The following DCDC1 variants were observed in gnomAD, a reference collection of about 807,000 sequenced individuals.
DCDC1 encodes doublecortin domain containing 1, also known as doublecortin domain-containing protein 1.
Under a neutral mutation model 178.3 loss-of-function variants are expected in DCDC1, and 200 were observed. The ratio of observed to expected loss-of-function variants is 1.12; its 90% CI spans 1.00 to 1.26. The LOEUF is 1.26. Ranked by LOEUF, DCDC1 falls within the 50% of genes most tolerant of loss-of-function variation. The pLI, the probability that DCDC1 is intolerant of heterozygous loss-of-function variation, is 0.00. For missense variants in DCDC1, 1,983 were observed against 1,749.2 expected (o/e 1.13, Z -2.38); for synonymous variants, 690 against 604.8 (o/e 1.14, Z -2.07).
At chr11:31,315,315 T>C (rs1334532990) in intron 3 of DCDC1, among the ~76,000 whole-genome samples, 211 of 117,648 alleles carry the variant, frequency 1.8e-3, no homozygotes, top group African/African-American at 6.6e-3. Context: ...CCTTTTTTTT[T>C]TTTTTTTTTT....
intron 9 of DCDC1, among the ~76,000 whole-genome samples, chr11:31,166,628 A>C (rs912005006): frequency 7.2e-5 from 11 of 152,104 alleles, no homozygotes; most frequent in Admixed American, 3.9e-4. Flanking sequence ...GTGGGTCATC[A>C]TTTTTTTAAA....
intron 36 of DCDC1, among the ~76,000 whole-genome samples, chr11:30,888,100 A>AGAGAGAGAG: frequency 1.9e-5 from 1 of 51,292 alleles, no homozygotes; most frequent in South Asian, 7.4e-4. Flanking sequence ...AAGAAAGAAA[A>AGAGAGAGAG]AGAAAGAAAG....
At chr11:30,945,790 T>C (rs957078803) in intron 21 of DCDC1, among the ~76,000 whole-genome samples, 23 of 151,764 alleles carry the variant, frequency 1.5e-4, no homozygotes, top group Non-Finnish European at 8.8e-5. Context: ...ATGCACAATC[T>C]ATGAAATTTG....
intron 20 of DCDC1, among the ~76,000 whole-genome samples, chr11:31,015,138 G>A (rs1013610314): frequency 1.6e-4 from 25 of 151,704 alleles, no homozygotes; most frequent in Admixed American, 1.4e-3. Context: ...TAGTAGAGAC[G>A]GGGGTTTCAC....
Position 30,933,674 on chromosome 11 carries a change from T to C in DCDC1, c.2716-1722A>G, listed in dbSNP as rs575408185. On this transcript the variant is annotated intron_variant, in intron 21 of 38. Transcript: ENST00000684477. ...CCTTCTGCTAGCCTCATGAAATGAATTGGAAAGTATTGCTTCTTGTGAGAA... is the reference window on the plus strand; with the variant it reads ...CCTTCTGCTAGCCTCATGAAATGAACTGGAAAGTATTGCTTCTTGTGAGAA... Among the ~76,000 whole-genome samples, 123 of 152,340 alleles carry C rather than the reference T, an allele frequency of 8.1e-4. 1 individual carries two copies. The highest frequency in any genetic ancestry group is 5.6e-3 in the South Asian group (27 of 4,824).
intron 29 of DCDC1, among the ~76,000 whole-genome samples, 179 bp downstream of exon 29, chr11:30,908,767 T>A (rs1049973471): frequency 6.6e-6 from 1 of 152,186 alleles, no homozygotes; most frequent in Non-Finnish European, 1.5e-5. Context: ...ATTCTTTTTC[T>A]CTCACAATTT....
chr11:31,249,917 T>C (rs1054544281), intron 8 of DCDC1, among the ~76,000 whole-genome samples: 1 of 152,094 alleles, frequency 6.6e-6, no homozygotes, highest in Admixed American at 6.6e-5. Context: ...AAACATACAG[T>C]AATCATTAGG....
In DCDC1 at chr11:30,878,753, T is replaced by C. The variant is rs771503767; in HGVS notation, c.5234-42A>G. On this transcript the variant is annotated intron_variant, in intron 37 of 38. Transcript: ENST00000684477. ...AAAAAGAAGTTGAGAGACAAGTCAA[T>C]GTTATAGAAAATAATTAAAAGTCCA... The C allele has an allele frequency of 3.3e-6, 5 of 1,521,772 alleles. No homozygotes were observed. The Admixed American group carries it at 1.1e-4, about 35-fold the overall frequency. 94.3% of individuals were successfully genotyped at this position (1,521,772 alleles called of 1,614,324 possible).
chr11:30,899,674 A>C (rs1944513261), intron 33 of DCDC1, 32 bp from the exon 34 acceptor site: 13 of 1,432,486 alleles, frequency 9.1e-6, no homozygotes, highest in Non-Finnish European at 1.2e-5. Flanking sequence ...ATATTTTATC[A>C]ACAGTAATTT....
At chr11:31,327,963 C>T (rs77128307) in intron 3 of DCDC1, among the ~76,000 whole-genome samples, 154 bp downstream of exon 3, 3,118 of 152,228 alleles carry the variant, frequency 0.02, 95 homozygotes, top group African/African-American at 0.07. Context: ...CTTCTAACCT[C>T]AAGTGATCCA....
intron 9 of DCDC1, among the ~76,000 whole-genome samples, chr11:31,178,283 A>G (rs1968337285): frequency 6.6e-6 from 1 of 152,304 alleles, no homozygotes; most frequent in South Asian, 2.1e-4. Context: ...AAGAATACAC[A>G]TTGTAGAAAA....
chr11:30,865,620 C>G (rs1940912070), intron 38 of DCDC1, among the ~76,000 whole-genome samples: 1 of 152,112 alleles, frequency 6.6e-6, no homozygotes, highest in South Asian at 2.1e-4. Flanking sequence ...GACCGGAAAT[C>G]TGAACTATCT....
intron 9 of DCDC1, among the ~76,000 whole-genome samples, chr11:31,145,038 T>C (rs1166210078): frequency 6.6e-6 from 1 of 152,102 alleles, no homozygotes; most frequent in Admixed American, 6.6e-5. Context: ...GTGTGTGAAG[T>C]AAAAAAATGC....
chr11:30,935,756 G>A (rs1465760347), intron 21 of DCDC1, among the ~76,000 whole-genome samples: 4 of 152,162 alleles, frequency 2.6e-5, no homozygotes, highest in African/African-American at 9.7e-5. Flanking sequence ...GTTTCACCAT[G>A]TTGGTCAGGC....
chr11:30,968,905 A>G lies in DCDC1; in HGVS notation c.2592-16337T>C, dbSNP rs940019622. On this transcript the variant is annotated intron_variant, in intron 20 of 38. Coordinates refer to ENST00000684477, the MANE Select transcript of DCDC1 (RefSeq NM_001387274.1). ...ATCTTTAAAGTGAGATAACATAAAT[A>G]AACACAAATTCCTTTACTTCTAAGT... Among the ~76,000 whole-genome samples, 4 of 151,788 alleles carry G rather than the reference A, an allele frequency of 2.6e-5. No homozygotes were observed. The East Asian group carries it at 7.7e-4, about 29-fold the overall frequency.
chr11:31,095,365 G>A (rs1385322658), intron 15 of DCDC1, among the ~76,000 whole-genome samples: 2 of 152,164 alleles, frequency 1.3e-5, no homozygotes, highest in Non-Finnish European at 2.9e-5. Context: ...TCGCCACACT[G>A]TCTTCCACAG....
At chr11:30,895,143 A>G (rs1316492129) in intron 34 of DCDC1, among the ~76,000 whole-genome samples, 2 of 152,244 alleles carry the variant, frequency 1.3e-5, no homozygotes, top group Non-Finnish European at 2.9e-5. Context: ...AAGCTTATTA[A>G]GTAAAAATAA....
At chr11:31,142,282 A>T (rs1963912284) in intron 9 of DCDC1, among the ~76,000 whole-genome samples, 1 of 152,226 alleles carries the variant, frequency 6.6e-6, no homozygotes, top group African/African-American at 2.4e-5. Context: ...ACCCTTTCAA[A>T]TTGGATAGGA....
At chr11:31,005,602 C>T (rs1439795143) in intron 20 of DCDC1, among the ~76,000 whole-genome samples, 2 of 152,068 alleles carry the variant, frequency 1.3e-5, no homozygotes, top group Non-Finnish European at 2.9e-5. Flanking sequence ...AGACTAACCC[C>T]ACTCTCAAAG....
Sources: allele counts gnomAD v4.1 joint callset (sites outside exome capture counted in the v4.1 genomes callset), GRCh38; gene constraint gnomAD v4.1.1; transcripts MANE v1.5; gene names NCBI Gene and HGNC (gene_info 2026-07-23, HGNC 2026-07-21).